Variants in RPAP3 observed in about 807,000 individuals in gnomAD.
RPAP3 encodes the protein RNA polymerase II associated protein 3, also known as RNA polymerase II-associated protein 3.
In RPAP3, 58 loss-of-function variants were observed where a neutral mutation model predicts 88.8. That is an observed-to-expected ratio of 0.65 (90% CI 0.53 to 0.81). The LOEUF is 0.81. RPAP3 is among the 40% of genes least tolerant of loss of function. The pLI is 0.00. For missense variants in RPAP3, 751 were observed against 764.3 expected, an observed-to-expected ratio of 0.98 and a Z score of 0.20; for synonymous variants, 255 against 259.9, an observed-to-expected ratio of 0.98 and a Z score of 0.18.
intron 12 of RPAP3, among the ~76,000 whole-genome samples, chr12:47,678,795 T>C (rs1939166273): frequency 6.6e-6 from 1 of 151,294 alleles, no homozygotes; most frequent in Non-Finnish European, 1.5e-5. Flanking sequence ...TTTTACACTG[T>C]TCCTGGGAGT....
intron 5 of RPAP3, among the ~76,000 whole-genome samples, 159 bp from the exon 6 acceptor site, chr12:47,690,798 A>C (rs749309818): frequency 6.6e-6 from 1 of 152,284 alleles, no homozygotes; most frequent in African/African-American, 2.4e-5. Flanking sequence ...AATAAAAGCA[A>C]TACTGCCATT....
At chr12:47,682,572 C>T (rs757533693) in intron 9 of RPAP3, among the ~76,000 whole-genome samples, 3 of 151,576 alleles carry the variant, frequency 2.0e-5, no homozygotes, top group African/African-American at 7.3e-5. Flanking sequence ...GGGGAAAATG[C>T]TGAAACAAAT....
chr12:47,675,682 CAAG>C (rs1470786467), intron 12 of RPAP3, among the ~76,000 whole-genome samples: 17 of 152,296 alleles, frequency 1.1e-4, no homozygotes, highest in African/African-American at 3.1e-4. Flanking sequence ...ATCAATTCAA[CAAG>C]AAGATCTAAC....
Position 47,690,499 on chromosome 12 carries a change from G to A in RPAP3, c.667+19C>T. ...GATAACACTGTTAAAGAATTCTTTA[G>A]AGAGTGACTAGAAAATACCTTTTTT... On this transcript the variant is annotated intron_variant, in intron 6 of 16. Transcript: ENST00000005386. 2 of 1,584,490 alleles carry A rather than the reference G, an allele frequency of 1.3e-6. No homozygotes were observed. Among genetic ancestry groups the A allele is most frequent in the Non-Finnish European group, 8.6e-7 (1 of 1,165,782 alleles).
Position 47,697,709 on chromosome 12 carries a change from A to G in RPAP3, c.305T>C (p.Leu102Pro). 1.3e-6 allele frequency: 2 copies of G among 1,598,998 alleles called. No homozygotes were observed. The highest frequency in any genetic ancestry group is 1.7e-6 in the Non-Finnish European group (2 of 1,175,590). ...ACTATCGTCTTTGTCAAGCTCATCA[A>G]GGATACGGTCCTAAAATCAAAAGAC... ...AWAKLDVDRI[L>P]DELDKDDSTH... is the part of the protein sequence containing the mutation. The change falls in exon 4 of 17, where the codon CTT (leucine) becomes CCT (proline). Residue 102 changes from leucine to proline, a missense_variant. Leu to Pro is a moderately conservative substitution (Grantham distance 98). Coordinates refer to ENST00000005386, the MANE Select transcript of RPAP3 (RefSeq NM_024604.3).
At chr12:47,668,864 A>C (rs1006396648) in intron 14 of RPAP3, 52 bp downstream of exon 14, 3 of 1,374,142 alleles carry the variant, frequency 2.2e-6, no homozygotes, top group Non-Finnish European at 3.1e-6. Flanking sequence ...AAAGTGACAG[A>C]AGTTCTCTGA....
rs1443316328 is a variant in RPAP3, at chr12:47,667,750, T to C, written c.1811+4A>G. ...ACTGTATAACTAAAAAAAACTTGAC[T>C]TACTCAATGTAAAAGTCATGCAGAA... On this transcript the variant is annotated splice_donor_region_variant and intron_variant, in intron 15 of 16. Transcript: ENST00000005386. The C allele has an allele frequency of 2.6e-6, 4 of 1,568,478 alleles. No individual in the cohort carries two copies. Among genetic ancestry groups the C allele is most frequent in the Non-Finnish European group, 3.5e-6 (4 of 1,150,250 alleles).
At chr12:47,690,959 A>G (rs1276388225) in intron 5 of RPAP3, among the ~76,000 whole-genome samples, 3 of 152,236 alleles carry the variant, frequency 2.0e-5, no homozygotes, top group South Asian at 4.1e-4. Flanking sequence ...TTATGTCTAA[A>G]TAACAATGTA....
At chr12:47,695,814 A>AT (rs1939513594) in intron 5 of RPAP3, 1 of 152,248 alleles carries the variant, frequency 6.6e-6, no homozygotes, top group Non-Finnish European at 1.5e-5. Flanking sequence ...CCTGCATGTG[A>AT]TAAGACAATA....
At chr12:47,686,498 T>C (rs1311571922) in intron 9 of RPAP3, among the ~76,000 whole-genome samples, 3 of 151,594 alleles carry the variant, frequency 2.0e-5, no homozygotes, top group African/African-American at 7.3e-5. Flanking sequence ...ACACACCTTG[T>C]GCCTGGAACT....
At chr12:47,705,624 C>T (rs1223171315) in intron 1 of RPAP3, among the ~76,000 whole-genome samples, 3 of 152,246 alleles carry the variant, frequency 2.0e-5, no homozygotes, top group Non-Finnish European at 4.4e-5. Context: ...ACACCGCACA[C>T]CCACGCCGCA....
intron 5 of RPAP3, 97 bp from the exon 6 acceptor site, chr12:47,690,736 T>G: frequency 1.1e-6 from 1 of 878,834 alleles, no homozygotes; most frequent in Non-Finnish European, 1.6e-6. Flanking sequence ...AAAAGAGAAT[T>G]TACTTACCCA....
intron 3 of RPAP3, 197 bp downstream of exon 3, chr12:47,701,267 A>T: frequency 5.3e-6 from 2 of 374,910 alleles, no homozygotes; most frequent in Non-Finnish European, 9.4e-6. Flanking sequence ...CCATTTGCTG[A>T]AAGAGGATTG....
intron 13 of RPAP3, 93 bp downstream of exon 13, chr12:47,670,014 T>C (rs1938962008): frequency 5.1e-6 from 4 of 791,580 alleles, no homozygotes; most frequent in Non-Finnish European, 8.3e-6. Flanking sequence ...AAAATTAGCA[T>C]GATGAGTACA....
intron 12 of RPAP3, among the ~76,000 whole-genome samples, chr12:47,674,193 C>T (rs2136614590): frequency 6.6e-6 from 1 of 151,920 alleles, no homozygotes; most frequent in African/African-American, 2.4e-5. Context: ...ATCTGCAGCT[C>T]CCAGCGTGAT....
Position 47,702,781 on chromosome 12 carries a change from T to A in RPAP3, c.60A>T (p.Glu20Asp). The change falls in exon 2 of 17, where the codon GAA becomes GAT. Residue 20 changes from glutamate (E) to aspartate (D), a missense_variant. Coordinates refer to ENST00000005386, the MANE Select transcript of RPAP3 (RefSeq NM_024604.3). ...CTAAATCCCGCATAAAGTCTTGTAA[T>A]TCTTCTGCATTTTGTTTCACTTGTA... ...LQLQVKQNAE[E>D]LQDFMRDLEN... 6.2e-7 allele frequency: 1 copy of A among 1,612,968 alleles called. No individual in the cohort carries two copies. The highest frequency in any genetic ancestry group is 1.1e-5 in the South Asian group (1 of 90,954).
At chr12:47,686,945 AAT>A in intron 8 of RPAP3, 38 bp from the exon 9 acceptor site, 3 of 1,325,914 alleles carry the variant, frequency 2.3e-6, no homozygotes, top group South Asian at 1.4e-5. Flanking sequence ...ATAAAAAAAA[AAT>A]TTCAAAAAAA....
At chr12:47,672,734 A>G (rs1205775749) in intron 12 of RPAP3, among the ~76,000 whole-genome samples, 2 of 152,164 alleles carry the variant, frequency 1.3e-5, no homozygotes, top group African/African-American at 2.4e-5. Flanking sequence ...AGAACAGTTT[A>G]CCCCAAGATT....
intron 16 of RPAP3, among the ~76,000 whole-genome samples, chr12:47,665,253 C>G (rs565056851): frequency 1.3e-5 from 2 of 151,564 alleles, no homozygotes; most frequent in African/African-American, 4.8e-5. Flanking sequence ...TCTGCCACCA[C>G]GCCCAGCTAA....
Sources: allele counts gnomAD v4.1 joint callset (sites outside exome capture counted in the v4.1 genomes callset), GRCh38; gene constraint gnomAD v4.1.1; transcripts MANE v1.5; gene names NCBI Gene and HGNC (gene_info 2026-07-23, HGNC 2026-07-21).